SKIC3: variants seen among roughly 807,000 people sequenced by gnomAD.
The protein encoded by SKIC3 is SKI3 subunit of superkiller complex.
the SKIC3 span, chr5:95,541,893 A>G: frequency 1.2e-6 from 2 of 1,611,816 alleles, no homozygotes; most frequent in East Asian, 4.5e-5. Context: ...TTTCTCATAC[A>G]AGTTTGCTAA....
At chr5:95,464,333 A>T in the SKIC3 span, 1 of 390,166 alleles carries the variant, frequency 2.6e-6, no homozygotes, top group Non-Finnish European at 4.7e-6. Flanking sequence ...GATGCAGAAA[A>T]TAATGGTTTA....
At chr5:95,549,516 T>A in the SKIC3 span, among the ~76,000 whole-genome samples, 2 of 152,062 alleles carry the variant, frequency 1.3e-5, no homozygotes, top group South Asian at 2.1e-4. Flanking sequence ...TCCTTCAGTA[T>A]CTGTATGTCT....
At chr5:95,497,501 A>G in the SKIC3 span, 2 of 1,611,554 alleles carry the variant, frequency 1.2e-6, no homozygotes, top group East Asian at 2.2e-5. Context: ...AAAGGAATCA[A>G]AAGTAGCAGG....
the SKIC3 span, chr5:95,522,103 T>C: frequency 1.2e-6 from 2 of 1,613,806 alleles, no homozygotes; most frequent in Non-Finnish European, 8.5e-7. Flanking sequence ...TCATCTGGTA[T>C]TGAGCTACAG....
the SKIC3 span, among the ~76,000 whole-genome samples, chr5:95,551,368 A>C: frequency 6.6e-6 from 1 of 152,182 alleles, no homozygotes; most frequent in Non-Finnish European, 1.5e-5. Context: ...GGAAGTAAAC[A>C]ATGTTTAGGT....
the SKIC3 span, chr5:95,525,635 G>T: frequency 6.2e-7 from 1 of 1,614,046 alleles, no homozygotes; most frequent in Non-Finnish European, 8.5e-7. Context: ...CCAAGCTTTT[G>T]AGAACCAAAA....
At chr5:95,527,452 T>A in the SKIC3 span, among the ~76,000 whole-genome samples, 7 of 152,206 alleles carry the variant, frequency 4.6e-5, no homozygotes, top group Non-Finnish European at 8.8e-5. Flanking sequence ...AAACTCAATT[T>A]TAATTTAGAC....
the SKIC3 span, chr5:95,524,507 C>G: frequency 6.2e-7 from 1 of 1,613,652 alleles, no homozygotes; most frequent in South Asian, 1.1e-5. Flanking sequence ...CTTTTCTTGT[C>G]TCTTCACCCA....
the SKIC3 span, among the ~76,000 whole-genome samples, chr5:95,510,783 C>T: frequency 1.3e-5 from 2 of 152,138 alleles, no homozygotes; most frequent in Non-Finnish European, 2.9e-5. Flanking sequence ...TCCACACAGC[C>T]GGCTCTGCAT....
chr5:95,524,849 A>G, the SKIC3 span, among the ~76,000 whole-genome samples: 1 of 152,112 alleles, frequency 6.6e-6, no homozygotes, highest in Non-Finnish European at 1.5e-5. Flanking sequence ...TGAACATTAC[A>G]TCTGCTTAGT....
chr5:95,536,150 C>G, the SKIC3 span, among the ~76,000 whole-genome samples: 1 of 152,224 alleles, frequency 6.6e-6, no homozygotes, highest in Admixed American at 6.5e-5. Flanking sequence ...GTCATCAGTT[C>G]TCTCTTCCTC....
At chr5:95,533,222 T>C in the SKIC3 span, among the ~76,000 whole-genome samples, 1 of 152,146 alleles carries the variant, frequency 6.6e-6, no homozygotes, top group Admixed American at 6.5e-5. Flanking sequence ...CTTTATAAAC[T>C]GAGTCATTTT....
At chr5:95,473,085 T>C in the SKIC3 span, among the ~76,000 whole-genome samples, 1 of 152,204 alleles carries the variant, frequency 6.6e-6, no homozygotes, top group Non-Finnish European at 1.5e-5. Context: ...GCATGTGTCT[T>C]CATGGTATGA....
chr5:95,466,132 T>C, the SKIC3 span, among the ~76,000 whole-genome samples: 2 of 152,202 alleles, frequency 1.3e-5, no homozygotes, highest in African/African-American at 2.4e-5. Flanking sequence ...GTTTTTAAAA[T>C]TGTTGGCTAA....
the SKIC3 span, chr5:95,494,568 G>A: frequency 9.1e-7 from 1 of 1,100,592 alleles, no homozygotes; most frequent in Non-Finnish European, 1.4e-6. Flanking sequence ...ATTTTTGTCT[G>A]GTATAAACAA....
chr5:95,483,053 T>C, the SKIC3 span, among the ~76,000 whole-genome samples: 2 of 152,180 alleles, frequency 1.3e-5, no homozygotes, highest in Non-Finnish European at 2.9e-5. Flanking sequence ...TCTTAACCTC[T>C]TAACAAAGGT....
At chr5:95,538,581 A>G in the SKIC3 span, among the ~76,000 whole-genome samples, 88 of 152,266 alleles carry the variant, frequency 5.8e-4, 2 homozygotes, top group Non-Finnish European at 1.3e-4. Flanking sequence ...TAACAAGTGT[A>G]CATTAAGTAG....
At chr5:95,498,219 G>C in the SKIC3 span, 2 of 731,634 alleles carry the variant, frequency 2.7e-6, no homozygotes, top group South Asian at 3.6e-5. Context: ...TATACAGTCA[G>C]TTACCTGGTC....
At chr5:95,537,590 G>C in the SKIC3 span, among the ~76,000 whole-genome samples, 2 of 152,170 alleles carry the variant, frequency 1.3e-5, no homozygotes, top group African/African-American at 2.4e-5. Context: ...TTTGGTAAAA[G>C]AAAAGCAGAG....
Sources: gnomAD v4.1 joint callset for allele counts (sites outside exome capture counted in the v4.1 genomes callset) on GRCh38, gnomAD v4.1.1 for gene constraint, MANE v1.5 for transcripts, NCBI Gene and HGNC (gene_info 2026-07-23, HGNC 2026-07-21) for gene names.